The following ZNF423 variants were observed in gnomAD, a reference collection of about 807,000 sequenced individuals.
The protein encoded by ZNF423 is zinc finger protein 423, also known as Ebf-associated zinc finger protein.
A neutral mutation model predicts 95.8 loss-of-function variants in ZNF423; 12 were observed. The ratio of observed to expected loss-of-function variants is 0.13; its 90% confidence interval spans 0.08 to 0.20. ZNF423 has a LOEUF of 0.20. ZNF423 is among the 10% of genes least tolerant of loss of function. The pLI is 1.00. For missense variants in ZNF423, 1,316 were observed against 1,737.1 expected, an observed-to-expected ratio of 0.76 and a Z score of 4.31; for synonymous variants, 749 against 711.9, an observed-to-expected ratio of 1.05 and a Z score of -0.83.
chr16:49,738,836 G>A (rs2033350091), intron 2 of ZNF423, among the ~76,000 whole-genome samples: 1 of 152,054 alleles, frequency 6.6e-6, no homozygotes. Context: ...CACCCCTGCA[G>A]AAAGCAGAAC....
At chr16:49,640,561 G>A (rs896438021) in intron 3 of ZNF423, among the ~76,000 whole-genome samples, 8 of 152,086 alleles carry the variant, frequency 5.3e-5, no homozygotes, top group African/African-American at 1.9e-4. Context: ...TCACAGCTGG[G>A]GCTGAGCCTG....
At chr16:49,809,000 C>T (rs937537971) in intron 1 of ZNF423, among the ~76,000 whole-genome samples, 7 of 152,216 alleles carry the variant, frequency 4.6e-5, no homozygotes, top group Non-Finnish European at 7.3e-5. Context: ...GGCACGTCCC[C>T]GAGCAGGGGG....
intron 3 of ZNF423, among the ~76,000 whole-genome samples, chr16:49,725,621 G>A (rs1293753480): frequency 1.3e-5 from 2 of 152,212 alleles, no homozygotes; most frequent in African/African-American, 4.8e-5. Flanking sequence ...AAAGGGATGG[G>A]TGCTCTGGAC....
intron 2 of ZNF423, among the ~76,000 whole-genome samples, chr16:49,767,789 T>C (rs1203272507): frequency 2.0e-5 from 3 of 152,166 alleles, no homozygotes; most frequent in Non-Finnish European, 2.9e-5. Context: ...AGTCCACGCA[T>C]CCTTCCAGCC....
intron 2 of ZNF423, among the ~76,000 whole-genome samples, chr16:49,748,364 T>A (rs552229460): frequency 6.6e-6 from 1 of 152,184 alleles, no homozygotes; most frequent in Non-Finnish European, 1.5e-5. Context: ...GAAAATCACT[T>A]CTCACCAATT....
chr16:49,555,745 T>C (rs34950598), intron 5 of ZNF423, among the ~76,000 whole-genome samples: 2 of 152,000 alleles, frequency 1.3e-5, no homozygotes, highest in African/African-American at 4.8e-5. Flanking sequence ...GAAGGATAAG[T>C]GTATGGGTGA....
At chr16:49,541,206 C>A (rs751487830) in intron 5 of ZNF423, among the ~76,000 whole-genome samples, 2 of 152,254 alleles carry the variant, frequency 1.3e-5, no homozygotes, top group Non-Finnish European at 2.9e-5. Context: ...CAGCACCTAA[C>A]AACCTGGCAC....
At chr16:49,715,515 A>T (rs1294418325) in intron 3 of ZNF423, among the ~76,000 whole-genome samples, 3 of 152,218 alleles carry the variant, frequency 2.0e-5, no homozygotes, top group Non-Finnish European at 4.4e-5. Context: ...CCAAGGCAGG[A>T]GGAGTACTTG....
Position 49,676,512 on chromosome 16 carries a change from A to G in ZNF423, c.302-37638T>C, listed in dbSNP as rs191834247. Among the ~76,000 whole-genome samples, 27 of 152,270 alleles carry G rather than the reference A, an allele frequency of 1.8e-4. No individual in the cohort carries two copies. In the East Asian group the frequency reaches 4.6e-3, roughly 26 times the overall value. ...ACACAGGCAGGTGACTCTAGGGAAC[A>G]AAAACAGCCTGGAGTAGGTCAATCC... On this transcript the variant is annotated intron_variant, in intron 3 of 7. Coordinates refer to ENST00000563137, the MANE Select transcript of ZNF423 (RefSeq NM_001379286.1).
chr16:49,594,033 G>C (rs1209410663), intron 5 of ZNF423, among the ~76,000 whole-genome samples: 1 of 152,132 alleles, frequency 6.6e-6, no homozygotes, highest in Admixed American at 6.5e-5. Context: ...AGTCAGGATA[G>C]AACTCAAAAA....
intron 5 of ZNF423, among the ~76,000 whole-genome samples, chr16:49,614,205 A>G (rs1022687700): frequency 2.0e-5 from 3 of 152,274 alleles, no homozygotes; most frequent in Non-Finnish European, 4.4e-5. Flanking sequence ...GATGTTCAAC[A>G]TCATTAGCCA....
intron 7 of ZNF423, among the ~76,000 whole-genome samples, chr16:49,499,278 C>A (rs996121732): frequency 6.6e-6 from 1 of 152,240 alleles, no homozygotes; most frequent in Non-Finnish European, 1.5e-5. Flanking sequence ...CCCGTCCCTG[C>A]CTGCCAGACA....
chr16:49,705,685 T>A (rs955048393), intron 3 of ZNF423, among the ~76,000 whole-genome samples: 1 of 152,074 alleles, frequency 6.6e-6, no homozygotes, highest in Non-Finnish European at 1.5e-5. Context: ...GTAGCTGGGA[T>A]TACAGGTGCC....
At chr16:49,679,762 G>T (rs537758879) in intron 3 of ZNF423, among the ~76,000 whole-genome samples, 1 of 152,256 alleles carries the variant, frequency 6.6e-6, no homozygotes, top group African/African-American at 2.4e-5. Flanking sequence ...GAAGCCCCAC[G>T]TTCTAGCCAG....
chr16:49,494,771 C>T (rs921715990), intron 7 of ZNF423, among the ~76,000 whole-genome samples: 8 of 152,204 alleles, frequency 5.3e-5, no homozygotes, highest in African/African-American at 1.9e-4. Flanking sequence ...CAGCTCTGGA[C>T]AGCTACTGCA....
intron 1 of ZNF423, among the ~76,000 whole-genome samples, chr16:49,816,273 A>G (rs1054480687): frequency 1.3e-5 from 2 of 152,060 alleles, no homozygotes; most frequent in East Asian, 1.9e-4. Flanking sequence ...CTGACACTGG[A>G]TGCGCTCCTC....
At chr16:49,543,512 G>T (rs1049961281) in intron 5 of ZNF423, among the ~76,000 whole-genome samples, 1 of 152,228 alleles carries the variant, frequency 6.6e-6, no homozygotes, top group African/African-American at 2.4e-5. Flanking sequence ...ATCCAATCCA[G>T]CTAATTTGCA....
intron 7 of ZNF423, among the ~76,000 whole-genome samples, chr16:49,510,360 G>C (rs1201558787): frequency 1.3e-5 from 2 of 152,120 alleles, no homozygotes; most frequent in Non-Finnish European, 2.9e-5. Context: ...CTCATTTCTG[G>C]GGGGTGGACG....
intron 3 of ZNF423, among the ~76,000 whole-genome samples, chr16:49,669,283 C>T (rs554862444): frequency 6.5e-4 from 98 of 151,232 alleles, no homozygotes; most frequent in Non-Finnish European, 1.2e-3. Flanking sequence ...GAGCTGAGTT[C>T]GCGCCATTGC....
Sources: allele counts gnomAD v4.1 joint callset (sites outside exome capture counted in the v4.1 genomes callset), GRCh38; gene constraint gnomAD v4.1.1; transcripts MANE v1.5; gene names NCBI Gene and HGNC (gene_info 2026-07-23, HGNC 2026-07-21).